Variants in ABCC1 observed in about 807,000 individuals in gnomAD.
ABCC1 encodes multidrug resistance-associated protein 1.
Under a neutral mutation model 172.9 loss-of-function variants are expected in ABCC1, and 83 were observed. The observed-to-expected ratio is 0.48, with a 90% CI of 0.40 to 0.58. The LOEUF (loss-of-function observed/expected upper bound fraction) is 0.58, where lower values mean the gene tolerates loss of function less well. Ranked by LOEUF, ABCC1 falls within the 20% of genes least tolerant of loss-of-function variation. ABCC1 has a pLI of 0.00. For missense variants in ABCC1, 1,817 were observed against 2,002.7 expected, an observed-to-expected ratio of 0.91 and a Z score of 1.77; for synonymous variants, 937 against 825.2, an observed-to-expected ratio of 1.14 and a Z score of -2.32.
intron 19 of ABCC1, among the ~76,000 whole-genome samples, chr16:16,100,338 G>A (rs1180197986): frequency 1.5e-5 from 2 of 129,130 alleles, no homozygotes; most frequent in Non-Finnish European, 3.2e-5. Context: ...TTATAGGAGG[G>A]TGGCCTGAGG....
intron 10 of ABCC1, among the ~76,000 whole-genome samples, chr16:16,051,842 C>T (rs1200344150): frequency 6.6e-6 from 1 of 152,230 alleles, no homozygotes; most frequent in Non-Finnish European, 1.5e-5. Flanking sequence ...AGTATGCAGA[C>T]ACTAGCCAAG....
intron 18 of ABCC1, among the ~76,000 whole-genome samples, 157 bp downstream of exon 18, chr16:16,087,148 C>T (rs2051041993): frequency 6.6e-6 from 1 of 152,134 alleles, no homozygotes; most frequent in South Asian, 2.1e-4. Context: ...GGAAGCCTTC[C>T]TAAGACAGCC....
At chr16:15,971,159 G>A (rs2046359813) in intron 1 of ABCC1, among the ~76,000 whole-genome samples, 1 of 152,208 alleles carries the variant, frequency 6.6e-6, no homozygotes, top group African/African-American at 2.4e-5. Flanking sequence ...TATGTACAGA[G>A]GCTGGAAGAG....
chr16:16,112,582 A>C (rs1049024292), intron 22 of ABCC1, among the ~76,000 whole-genome samples: 3 of 152,192 alleles, frequency 2.0e-5, no homozygotes, highest in Non-Finnish European at 2.9e-5. Context: ...TTGGAGATAC[A>C]GAAACTGAGG....
At position 16,133,014 on chromosome 16, in the gene ABCC1, T is replaced by C. The variant is rs1254762837; in HGVS notation, c.3966+1079T>C. Among the ~76,000 whole-genome samples, 3 of 152,194 alleles carry C rather than the reference T, an allele frequency of 2.0e-5. No individual in the cohort carries two copies. The South Asian group carries it at 6.2e-4, about 31-fold the overall frequency. Reference sequence around the variant, plus strand: ...CCTCCCTGTCCCATTCATTGCCTAGTTGGCCCCTCCAAAACATTAGAATTT... The same window carrying C: ...CCTCCCTGTCCCATTCATTGCCTAGCTGGCCCCTCCAAAACATTAGAATTT... On this transcript the variant is annotated intron_variant, in intron 27 of 30. Transcript: ENST00000399410.
At chr16:16,038,220 C>G (rs1433590958) in intron 7 of ABCC1, among the ~76,000 whole-genome samples, 1 of 152,032 alleles carries the variant, frequency 6.6e-6, no homozygotes, top group East Asian at 1.9e-4. Flanking sequence ...GAGAGGGGAT[C>G]TACTAGGGAA....
chr16:16,109,623 T>C (rs1227419506), intron 21 of ABCC1, among the ~76,000 whole-genome samples: 1 of 152,224 alleles, frequency 6.6e-6, no homozygotes, highest in Non-Finnish European at 1.5e-5. Flanking sequence ...CTGTCTCTCA[T>C]GTCAGGCGGC....
intron 11 of ABCC1, among the ~76,000 whole-genome samples, chr16:16,054,094 C>T (rs917812125): frequency 2.0e-5 from 3 of 151,958 alleles, no homozygotes; most frequent in Admixed American, 6.6e-5. Context: ...CCTGCCTCAG[C>T]CTCCCGAGCA....
At chr16:16,007,187 G>T (rs1337322238) in intron 1 of ABCC1, among the ~76,000 whole-genome samples, 1 of 147,458 alleles carries the variant, frequency 6.8e-6, no homozygotes, top group Non-Finnish European at 1.5e-5. Flanking sequence ...TTTTGTTGTT[G>T]GTGGGTTTTT....
intron 19 of ABCC1, among the ~76,000 whole-genome samples, chr16:16,100,965 G>A (rs1279563199): frequency 6.6e-6 from 1 of 151,882 alleles, no homozygotes; most frequent in Non-Finnish European, 1.5e-5. Context: ...CACCTGCTCA[G>A]TTTTTAATTT....
At chr16:16,102,595 C>T in intron 19 of ABCC1, 32 bp from the exon 20 acceptor site, 1 of 1,552,352 alleles carries the variant, frequency 6.4e-7, no homozygotes, top group Non-Finnish European at 8.7e-7. Flanking sequence ...CTCATATAAC[C>T]CCACTTGCCC....
At chr16:16,136,345 T>TCC (rs1266581912) in intron 28 of ABCC1, 133 bp from the exon 29 acceptor site, 1 of 1,008,440 alleles carries the variant, frequency 9.9e-7, no homozygotes, top group African/African-American at 1.6e-5. Context: ...TATTAACATC[T>TCC]CCAGAAATAG....
chr16:16,122,639 G>A (rs1338222981), intron 24 of ABCC1, among the ~76,000 whole-genome samples: 2 of 151,266 alleles, frequency 1.3e-5, no homozygotes, highest in Non-Finnish European at 2.9e-5. Flanking sequence ...CCAGTACTTT[G>A]GGAGGCTGAG....
chr16:16,075,894 C>A (rs995657258), intron 14 of ABCC1, among the ~76,000 whole-genome samples: 2 of 152,118 alleles, frequency 1.3e-5, no homozygotes, highest in Non-Finnish European at 2.9e-5. Flanking sequence ...TGCTGGCCAC[C>A]CCAGTGGAGA....
chr16:16,134,568 G>A (rs2045841262), intron 28 of ABCC1, 60 bp downstream of exon 28: 4 of 1,579,824 alleles, frequency 2.5e-6, no homozygotes, highest in Non-Finnish European at 3.5e-6. Context: ...TGATTGCACT[G>A]ACAGTGGTGT....
At chr16:15,995,584 A>G (rs17501331) in intron 1 of ABCC1, among the ~76,000 whole-genome samples, 11,601 of 151,084 alleles carry the variant, frequency 0.077, 600 homozygotes, top group Non-Finnish European at 0.11. Flanking sequence ...TGGAGACTTT[A>G]TTTTACTTCC....
intron 17 of ABCC1, 41 bp downstream of exon 17, chr16:16,083,583 G>A (rs1039287223): frequency 1.3e-6 from 2 of 1,587,766 alleles, no homozygotes; most frequent in Non-Finnish European, 1.7e-6. Flanking sequence ...TCAGTCAGCT[G>A]TTGCCGCGTA....
chr16:16,073,067 T>A (rs1171558735), intron 14 of ABCC1, among the ~76,000 whole-genome samples: 7 of 149,636 alleles, frequency 4.7e-5, no homozygotes, highest in Non-Finnish European at 1.0e-4. Flanking sequence ...ATAATAATAA[T>A]AAATATTAAT....
intron 12 of ABCC1, among the ~76,000 whole-genome samples, chr16:16,061,190 G>T (rs564311451): frequency 6.6e-6 from 1 of 152,324 alleles, no homozygotes; most frequent in East Asian, 1.9e-4. Context: ...CTCCTAAAGT[G>T]CTGGGATTAC....
Sources: gnomAD v4.1 joint callset for allele counts (sites outside exome capture counted in the v4.1 genomes callset) on GRCh38, gnomAD v4.1.1 for gene constraint, MANE v1.5 for transcripts, NCBI Gene and HGNC (gene_info 2026-07-23, HGNC 2026-07-21) for gene names.